Variants in KIRREL1 observed in about 807,000 individuals in gnomAD.
The protein encoded by KIRREL1 is kin of IRRE-like protein 1.
A neutral mutation model predicts 83.3 loss-of-function variants in KIRREL1; 25 were observed. The observed-to-expected ratio is 0.30, with a 90% confidence interval of 0.22 to 0.42. The LOEUF (loss-of-function observed/expected upper bound fraction) is 0.42, where lower values mean the gene tolerates loss of function less well. Among genes scored for constraint, KIRREL1 ranks in the 10% least tolerant of loss-of-function variants. The pLI is 1.00. For synonymous variants in KIRREL1, 388 were observed against 410.4 expected, an observed-to-expected ratio of 0.95 and a Z score of 0.66; for missense variants, 812 against 1,032.3, an observed-to-expected ratio of 0.79 and a Z score of 2.92.
rs56105745 is a variant in KIRREL1, at chr1:158,088,981, C to T, written c.1045-521C>T. On this transcript the variant is annotated intron_variant, in intron 8 of 14. Coordinates refer to ENST00000359209, the MANE Select transcript of KIRREL1 (RefSeq NM_018240.7). ...CTGGGGGGACAAACTCACCTGTGCA[C>T]GGGAAGCAGGGTGGGGTGGGAGGAA... Among the ~76,000 whole-genome samples, 1,015 of 147,740 alleles carry T rather than the reference C, an allele frequency of 6.9e-3. 10 individuals are homozygous for T. Among genetic ancestry groups the T allele is most frequent in the Admixed American group, 0.022 (329 of 14,900 alleles).
intron 1 of KIRREL1, among the ~76,000 whole-genome samples, chr1:158,051,138 G>A (rs1660899985): frequency 6.6e-6 from 1 of 152,340 alleles, no homozygotes; most frequent in South Asian, 2.1e-4. Flanking sequence ...CGTGGTGCAT[G>A]GAGGCCGAGA....
intron 1 of KIRREL1, among the ~76,000 whole-genome samples, chr1:158,029,184 A>G (rs554468694): frequency 7.6e-6 from 1 of 131,940 alleles, no homozygotes; most frequent in Admixed American, 8.3e-5. Context: ...AAGTATTTAC[A>G]AGACTGTGCA....
intron 4 of KIRREL1, 54 bp from the exon 5 acceptor site, chr1:158,086,542 G>T (rs1255632638): frequency 3.9e-6 from 6 of 1,534,470 alleles, no homozygotes; most frequent in Non-Finnish European, 5.3e-6. Context: ...CAACTTAAGA[G>T]CAGAGGAGGG....
At position 158,073,118 on chromosome 1, in the gene KIRREL1, G is replaced by T. The variant is rs1281832463; in HGVS notation, c.53-2995G>T. Among the ~76,000 whole-genome samples the T allele has an allele frequency of 2.0e-5, 3 of 152,240 alleles. No individual in the cohort carries two copies. The East Asian group carries it at 5.8e-4, about 29-fold the overall frequency. On this transcript the variant is annotated intron_variant, in intron 1 of 14. Transcript: ENST00000359209. ...TTTGGGATTCTATGTTGGCTGCAGG[G>T]GCTGTTTTGGGACCAGAAAACATTG...
intron 1 of KIRREL1, among the ~76,000 whole-genome samples, chr1:158,042,712 G>A (rs1457087059): frequency 6.6e-6 from 1 of 152,040 alleles, no homozygotes; most frequent in Non-Finnish European, 1.5e-5. Flanking sequence ...ATGCAGATTG[G>A]CTGTTCTCTG....
chr1:158,021,680 T>C (rs1267500755), intron 1 of KIRREL1, among the ~76,000 whole-genome samples: 1 of 152,222 alleles, frequency 6.6e-6, no homozygotes, highest in Non-Finnish European at 1.5e-5. Context: ...TAAAATTATG[T>C]TTTCAGTCTC....
chr1:158,078,911 A>G (rs548453242), intron 3 of KIRREL1, among the ~76,000 whole-genome samples: 1 of 152,258 alleles, frequency 6.6e-6, no homozygotes, highest in South Asian at 2.1e-4. Context: ...CTCCTGCAGC[A>G]GTGCCACAGA....
In KIRREL1 at chr1:158,097,075, G is replaced by T. The variant is rs1440677695; in HGVS notation, c.*1955G>T. On this transcript the variant is annotated 3_prime_UTR_variant, in exon 15 of 15. Coordinates refer to ENST00000359209, the MANE Select transcript of KIRREL1 (RefSeq NM_018240.7). Reference sequence around the variant, plus strand: ...AGTCTGTGCATCCTCCTTCATTTCAGCAGGGAAAACTCCTGTGGAGTGGGC... The same window carrying T: ...AGTCTGTGCATCCTCCTTCATTTCATCAGGGAAAACTCCTGTGGAGTGGGC... 2.2e-6 allele frequency: 1 copy of T among 456,708 alleles called. No homozygotes were observed. Among genetic ancestry groups the T allele is most frequent in the South Asian group, 1.5e-5 (1 of 64,564 alleles). 28.3% of individuals were successfully genotyped at this position (456,708 alleles called of 1,614,324 possible). A position where few individuals can be genotyped will look rare whatever the true frequency, so the allele number is the denominator to read the frequency against.
intron 1 of KIRREL1, among the ~76,000 whole-genome samples, chr1:158,035,205 C>T (rs936651175): frequency 2.1e-4 from 32 of 152,270 alleles, no homozygotes; most frequent in African/African-American, 5.3e-4. Flanking sequence ...ACTTACCATC[C>T]GTCAGTTTCT....
At chr1:158,015,703 A>C (rs973836727) in intron 1 of KIRREL1, among the ~76,000 whole-genome samples, 2 of 151,982 alleles carry the variant, frequency 1.3e-5, no homozygotes, top group African/African-American at 4.8e-5. Context: ...GAATTTTGAA[A>C]TTTTCCTCTT....
intron 1 of KIRREL1, among the ~76,000 whole-genome samples, chr1:158,007,355 C>T (rs1273357281): frequency 1.3e-5 from 2 of 152,054 alleles, no homozygotes; most frequent in East Asian, 1.9e-4. Flanking sequence ...AAGGAGGACA[C>T]CAGGTGGAGC....
chr1:158,023,022 C>T (rs1660045787), intron 1 of KIRREL1, among the ~76,000 whole-genome samples: 1 of 152,206 alleles, frequency 6.6e-6, no homozygotes, highest in Admixed American at 6.5e-5. Context: ...CTATGTGGCC[C>T]CTGTTTTCTC....
At position 158,094,593 on chromosome 1, in the gene KIRREL1, C is replaced by A; in HGVS notation, c.1798-51C>A. 6.9e-7 allele frequency: 1 copy of A among 1,459,572 alleles called. No homozygotes were observed. Among genetic ancestry groups the A allele is most frequent in the Non-Finnish European group, 9.4e-7 (1 of 1,061,640 alleles). The allele number at this position is 1,459,572 out of a possible 1,614,324, so 90.4% of individuals were successfully genotyped here. ...CCAGAAAGCCATGGTGAGACTTGAT[C>A]CCCACCCAAGAGGGAACACTGCCTC... On this transcript the variant is annotated intron_variant, in intron 14 of 14. Coordinates refer to ENST00000359209, the MANE Select transcript of KIRREL1 (RefSeq NM_018240.7). The surrounding 1 kb of genome is among the most constrained non-coding windows in gnomAD (Gnocchi z 4.6).
intron 1 of KIRREL1, among the ~76,000 whole-genome samples, chr1:158,044,631 T>C (rs1358078237): frequency 6.6e-6 from 1 of 152,124 alleles, no homozygotes; most frequent in Non-Finnish European, 1.5e-5. Context: ...CCTGAGTAAA[T>C]AGGATTACAG....
At chr1:158,080,141 G>A (rs1317005497) in intron 3 of KIRREL1, among the ~76,000 whole-genome samples, 3 of 152,122 alleles carry the variant, frequency 2.0e-5, no homozygotes, top group Admixed American at 6.5e-5. Flanking sequence ...CCGAGGAACC[G>A]TGAGACTCTT....
At chr1:158,035,928 A>T (rs1660463879) in intron 1 of KIRREL1, among the ~76,000 whole-genome samples, 1 of 152,164 alleles carries the variant, frequency 6.6e-6, no homozygotes, top group South Asian at 2.1e-4. Flanking sequence ...ACAGAGCCCT[A>T]CAGAACTACA....
intron 1 of KIRREL1, among the ~76,000 whole-genome samples, chr1:158,068,461 A>C (rs1661414928): frequency 6.6e-6 from 1 of 152,174 alleles, no homozygotes; most frequent in Admixed American, 6.5e-5. Flanking sequence ...GCTGTGTATA[A>C]GGCAAAATCA....
chr1:158,042,731 T>C (rs1660663161), intron 1 of KIRREL1, among the ~76,000 whole-genome samples: 1 of 152,000 alleles, frequency 6.6e-6, no homozygotes, highest in African/African-American at 2.4e-5. Context: ...TGGCCTGTGC[T>C]CTTAACCACC....
At chr1:158,081,891 A>G (rs1661870734) in intron 3 of KIRREL1, among the ~76,000 whole-genome samples, 1 of 152,138 alleles carries the variant, frequency 6.6e-6, no homozygotes, top group Non-Finnish European at 1.5e-5. Flanking sequence ...GAGGGGCTTC[A>G]CACACCCGGG....
Sources: allele counts gnomAD v4.1 joint callset (sites outside exome capture counted in the v4.1 genomes callset), GRCh38; gene constraint gnomAD v4.1.1; non-coding constraint Gnocchi (gnomAD v3.1); transcripts MANE v1.5; gene names NCBI Gene and HGNC (gene_info 2026-07-23, HGNC 2026-07-21).